TNIP2: variants seen among roughly 807,000 people sequenced by gnomAD.
TNIP2 encodes TNFAIP3-interacting protein 2.
A neutral mutation model predicts 43.7 loss-of-function variants in TNIP2; 30 were observed. The ratio of observed to expected loss-of-function variants is 0.69; its 90% CI spans 0.51 to 0.93. The LOEUF (loss-of-function observed/expected upper bound fraction) is 0.93, where lower values mean the gene tolerates loss of function less well. Among genes scored for constraint, TNIP2 ranks in the 40% least tolerant of loss-of-function variants. TNIP2 has a pLI of 0.00. For synonymous variants in TNIP2, 260 were observed against 254.6 expected, an observed-to-expected ratio of 1.02 and a Z score of -0.20; for missense variants, 599 against 591.0, an observed-to-expected ratio of 1.01 and a Z score of -0.14.
rs1040141483 is a variant in TNIP2 at position 2,744,083 on chromosome 4, T to C, written c.1026+304A>G. Among the ~76,000 whole-genome samples the C allele has an allele frequency of 7.2e-5, 11 of 152,122 alleles. No homozygotes were observed. The highest frequency in any genetic ancestry group is 2.0e-4 in the Admixed American group (3 of 15,286). The stretch of plus-strand genomic sequence containing the variant: ...TCAGGACACGTAGGGAGCTCACACT[T>C]TGAGGCCCGAGATATGCTCTCTGAC... On this transcript the variant is annotated intron_variant, in intron 5 of 5. Transcript: ENST00000315423. The surrounding 1 kb of genome is among the most constrained non-coding windows in gnomAD (Gnocchi z 5.1).
chr4:2,754,050 C>T (rs371037840), intron 1 of TNIP2, among the ~76,000 whole-genome samples: 2 of 152,294 alleles, frequency 1.3e-5, no homozygotes, highest in East Asian at 1.9e-4. Flanking sequence ...GGGACTACAG[C>T]GGCTATTTTA....
intron 5 of TNIP2, among the ~76,000 whole-genome samples, 171 bp from the exon 6 acceptor site, chr4:2,742,691 C>A (rs1434489139): frequency 6.6e-6 from 1 of 152,176 alleles, no homozygotes; most frequent in African/African-American, 2.4e-5. Context: ...CAGTGAATGA[C>A]TGAGGATCAC....
intron 2 of TNIP2, 24 bp from the exon 3 acceptor site, chr4:2,745,559 A>G (rs1721925328): frequency 1.3e-6 from 2 of 1,541,364 alleles, no homozygotes; most frequent in East Asian, 4.5e-5. Context: ...GGACAGAGAG[A>G]AGACACTCTG....
At chr4:2,755,880 G>A in intron 1 of TNIP2, 134 bp downstream of exon 1, 5 of 1,163,670 alleles carry the variant, frequency 4.3e-6, no homozygotes, top group Non-Finnish European at 5.4e-6. Context: ...CAGGACCCGA[G>A]GCCAACTCAA....
intron 1 of TNIP2, among the ~76,000 whole-genome samples, chr4:2,750,372 T>G (rs901964670): frequency 1.4e-4 from 21 of 150,376 alleles, no homozygotes; most frequent in African/African-American, 4.6e-4. Context: ...AACAAAATAC[T>G]AAGCCCTATT....
rs1245549706 is a variant in TNIP2, at chr4:2,744,715, C to T, written c.888G>A (p.Val296=). The T allele has an allele frequency of 2.5e-6, 4 of 1,603,784 alleles. No individual in the cohort carries two copies. The highest frequency in any genetic ancestry group is 1.7e-5 in the Admixed American group (1 of 59,996). ...RTARDAALER[V]QMLEQQILAY... ...CAGACACCTGCTGTTCCAGCATCTG[C>T]ACCCGCTCCAACGCAGCATCCCGGG... Residue 296 remains valine, a synonymous_variant, in exon 4 of 6, where the codon GTG becomes GTA. Coordinates refer to ENST00000315423, the MANE Select transcript of TNIP2 (RefSeq NM_024309.4). This position sits in a 1 kb window ranked among gnomAD's most constrained non-coding sequence, Gnocchi z 5.1.
intron 1 of TNIP2, among the ~76,000 whole-genome samples, chr4:2,748,247 C>A (rs566326006): frequency 1.2e-4 from 19 of 152,208 alleles, no homozygotes; most frequent in Non-Finnish European, 2.4e-4. Context: ...ACAATCTTGG[C>A]TCGCTGCAAC....
intron 1 of TNIP2, 121 bp from the exon 2 acceptor site, chr4:2,748,066 A>C: frequency 9.4e-7 from 1 of 1,061,820 alleles, no homozygotes; most frequent in Non-Finnish European, 1.3e-6. Flanking sequence ...AAACATACTC[A>C]CTCAGAAGTT....
intron 3 of TNIP2, 64 bp from the exon 4 acceptor site, chr4:2,745,009 C>G (rs2109480817): frequency 6.5e-7 from 1 of 1,542,184 alleles, no homozygotes; most frequent in East Asian, 2.3e-5. Context: ...AAGCCAGCAC[C>G]CAGTGTGAAT....
intron 1 of TNIP2, among the ~76,000 whole-genome samples, chr4:2,751,022 C>T (rs775665811): frequency 5.3e-5 from 8 of 152,226 alleles, no homozygotes; most frequent in Non-Finnish European, 8.8e-5. Context: ...GCAGGCTCTA[C>T]GCTCAACCCG....
intron 1 of TNIP2, among the ~76,000 whole-genome samples, chr4:2,750,596 G>T (rs1560647454): frequency 6.6e-6 from 1 of 151,712 alleles, no homozygotes; most frequent in African/African-American, 2.4e-5. Context: ...GCAGTGTGCT[G>T]TGACGGTGCC....
chr4:2,746,535 CTG>C (rs1343560929), intron 2 of TNIP2, among the ~76,000 whole-genome samples: 2 of 152,244 alleles, frequency 1.3e-5, no homozygotes, highest in Non-Finnish European at 2.9e-5. Flanking sequence ...TGTGTCCTCT[CTG>C]AGGTTCCCCG....
At chr4:2,745,781 C>T (rs536583775) in intron 2 of TNIP2, among the ~76,000 whole-genome samples, 33 of 152,388 alleles carry the variant, frequency 2.2e-4, no homozygotes, top group Middle Eastern at 3.4e-3. Flanking sequence ...TTCACACTGT[C>T]CTTATCCCGT....
At chr4:2,742,889 G>A (rs1242369099) in intron 5 of TNIP2, among the ~76,000 whole-genome samples, 1 of 152,210 alleles carries the variant, frequency 6.6e-6, no homozygotes, top group Non-Finnish European at 1.5e-5. Flanking sequence ...GGGGAGCTGG[G>A]CAAACTGAGT....
chr4:2,753,357 G>A (rs1377375467), intron 1 of TNIP2, among the ~76,000 whole-genome samples: 3 of 152,202 alleles, frequency 2.0e-5, no homozygotes, highest in Non-Finnish European at 2.9e-5. Context: ...GGAGGATCAC[G>A]TAAGCCCAGG....
rs546128655 is a variant in TNIP2, at chr4:2,747,567, G to A, written c.567+88C>T. ...TGAGAACAGAAGTGGGTTCTGGGGC[G>A]CCCCCCCACCTCTGTGATCAGGGGC... On this transcript the variant is annotated intron_variant, in intron 2 of 5. Transcript: ENST00000315423. 3.9e-5 allele frequency: 55 copies of A among 1,400,298 alleles called. No homozygotes were observed. The African/African-American group carries it at 4.1e-4, about 10-fold the overall frequency. 86.7% of individuals were successfully genotyped at this position (1,400,298 alleles called of 1,614,324 possible).
At chr4:2,745,303 A>C (rs1721916193) in intron 3 of TNIP2, 143 bp downstream of exon 3, 4 of 671,976 alleles carry the variant, frequency 6.0e-6, no homozygotes, top group Non-Finnish European at 1.0e-5. Context: ...TAAGCAAAAA[A>C]GTCCAGTCTC....
Position 2,747,712 on chromosome 4 carries a change from C to G in TNIP2, c.510G>C (p.Lys170Asn). The change falls in exon 2 of 6, where the codon AAG (lysine) becomes AAC (asparagine). Residue 170 changes from lysine (K) to asparagine (N), a missense_variant. Physicochemically the swap from Lys to Asn is moderately conservative, Grantham distance 94. Coordinates refer to ENST00000315423, the MANE Select transcript of TNIP2 (RefSeq NM_024309.4). The stretch of plus-strand genomic sequence containing the variant: ...GTGCATGCTGTCGTTCATCCAGACA[C>G]TTGGCCAGATGCTGACACATGTGGG... ...ATAHMCQHLAKCLDERQHAQR... is the reference protein window; with the variant it reads ...ATAHMCQHLANCLDERQHAQR... 1 of 1,604,874 alleles carries G rather than the reference C, an allele frequency of 6.2e-7. No individual in the cohort carries two copies.
At chr4:2,747,574 C>G (rs13105492) in intron 2 of TNIP2, 81 bp downstream of exon 2, 1,478,436 of 1,478,480 alleles carry the variant, frequency 1, 739,196 homozygotes, top group East Asian at 1. Flanking sequence ...GGCGCCCCCC[C>G]ACCTCTGTGA....
Sources: allele counts gnomAD v4.1 joint callset (sites outside exome capture counted in the v4.1 genomes callset), GRCh38; gene constraint gnomAD v4.1.1; non-coding constraint Gnocchi (gnomAD v3.1); transcripts MANE v1.5; gene names NCBI Gene and HGNC (gene_info 2026-07-23, HGNC 2026-07-21).